JAK2: variants seen among roughly 807,000 people sequenced by gnomAD.
The protein encoded by JAK2 is Janus kinase 2.
Under a neutral mutation model 139.3 loss-of-function variants are expected in JAK2, and 86 were observed. That is an observed-to-expected ratio of 0.62 (90% CI 0.52 to 0.74). The LOEUF (loss-of-function observed/expected upper bound fraction) is 0.74, where lower values mean the gene tolerates loss of function less well. JAK2 is among the 30% of genes least tolerant of loss of function. The pLI, the probability that JAK2 is intolerant of heterozygous loss-of-function variation, is 0.00. For missense variants in JAK2, 1,421 were observed against 1,360.3 expected (o/e 1.04, Z -0.70); for synonymous variants, 490 against 437.7 (o/e 1.12, Z -1.49).
chr9:5,041,050 C>T, intron 4 of JAK2: 1 of 684,546 alleles, frequency 1.5e-6, no homozygotes. Context: ...CAGCTCAGCG[C>T]CATAGAGGGC....
At chr9:5,041,872 A>G (rs185200168) in intron 4 of JAK2, 270 of 438,728 alleles carry the variant, frequency 6.2e-4, no homozygotes, top group African/African-American at 5.3e-3. Context: ...ATGGCCGGCC[A>G]CTCCAGCGCC....
intron 4 of JAK2, chr9:5,041,427 T>G: frequency 1.6e-5 from 10 of 625,676 alleles, no homozygotes; most frequent in South Asian, 1.4e-4. Context: ...CACATGTTCA[T>G]GTACTTCCTG....
chr9:5,094,545 TG>T (rs1474669020), intron 22 of JAK2: 2 of 152,196 alleles, frequency 1.3e-5, no homozygotes, highest in Non-Finnish European at 2.9e-5. Context: ...TACTGCTAAG[TG>T]GCTCAACTTA....
In JAK2 at chr9:5,128,601, T is replaced by C. The variant is rs1465353637; in HGVS notation, c.*1810T>C. Among the ~76,000 whole-genome samples the C allele has an allele frequency of 1.3e-5, 2 of 151,974 alleles. No individual in the cohort carries two copies. Among genetic ancestry groups the C allele is most frequent in the Non-Finnish European group, 2.9e-5 (2 of 67,814 alleles). Reference sequence around the variant, plus strand: ...AAAACAAGATGTGAACTAACTTTTCTTAAACATTTTTTTAAATGCTTCATC... The same window carrying C: ...AAAACAAGATGTGAACTAACTTTTCCTAAACATTTTTTTAAATGCTTCATC... On this transcript the variant is annotated 3_prime_UTR_variant, in exon 25 of 25. Transcript: ENST00000381652.
intron 8 of JAK2, among the ~76,000 whole-genome samples, chr9:5,059,809 A>T (rs1818028988): frequency 6.6e-6 from 1 of 152,162 alleles, no homozygotes; most frequent in African/African-American, 2.4e-5. Context: ...ATGATGTTCA[A>T]TACTTTTTCA....
At chr9:5,024,521 T>G (rs1822650184) in intron 3 of JAK2, among the ~76,000 whole-genome samples, 1 of 152,042 alleles carries the variant, frequency 6.6e-6, no homozygotes, top group East Asian at 1.9e-4. Flanking sequence ...GGTGAAAGCT[T>G]AGGGTCTTTT....
At chr9:5,091,008 A>G (rs1314516508) in intron 22 of JAK2, 97 bp downstream of exon 22, 2 of 920,894 alleles carry the variant, frequency 2.2e-6, no homozygotes, top group Non-Finnish European at 3.2e-6. Context: ...ATTTACAGTA[A>G]CAGTGAACAT....
intron 2 of JAK2, among the ~76,000 whole-genome samples, chr9:5,012,416 G>GT (rs147543504): frequency 0.015 from 2,226 of 152,074 alleles, 32 homozygotes; most frequent in South Asian, 0.028. Flanking sequence ...AGGAACATTA[G>GT]TGTAGTATAA....
At chr9:5,074,538 A>T (rs1490872292) in intron 14 of JAK2, among the ~76,000 whole-genome samples, 1 of 152,154 alleles carries the variant, frequency 6.6e-6, no homozygotes, top group Non-Finnish European at 1.5e-5. Context: ...GGGTGTCCCA[A>T]ACAGAGAGAA....
intron 5 of JAK2, among the ~76,000 whole-genome samples, chr9:5,048,593 C>A (rs1817196318): frequency 6.6e-6 from 1 of 152,034 alleles, no homozygotes; most frequent in African/African-American, 2.4e-5. Context: ...CTGTCTCCTA[C>A]CCTGAATTAA....
At chr9:5,117,037 T>C (rs1413990911) in intron 22 of JAK2, among the ~76,000 whole-genome samples, 4 of 152,210 alleles carry the variant, frequency 2.6e-5, no homozygotes, top group Non-Finnish European at 2.9e-5. Flanking sequence ...CATGCAGCAT[T>C]TGGCTCCTCT....
chr9:5,037,995 C>G (rs1816191931), intron 4 of JAK2, among the ~76,000 whole-genome samples: 1 of 152,166 alleles, frequency 6.6e-6, no homozygotes. Flanking sequence ...TATAGCGTCA[C>G]TAGTTATGAG....
At chr9:5,033,145 A>G (rs568725015) in intron 4 of JAK2, among the ~76,000 whole-genome samples, 1 of 152,358 alleles carries the variant, frequency 6.6e-6, no homozygotes, top group African/African-American at 2.4e-5. Context: ...AAAGGGTATC[A>G]GAGATGGAAG....
Position 5,063,893 on chromosome 9 carries a change from C to G in JAK2, c.1057-990C>G, listed in dbSNP as rs147711979. ...TACAATCAGGCCGGGCATGGTGACT[C>G]ACGCGTGTAATCCCAGCACTTTGGG... is the stretch of plus-strand genomic sequence containing the variant. On this transcript the variant is annotated intron_variant, in intron 8 of 24. Coordinates refer to ENST00000381652, the MANE Select transcript of JAK2 (RefSeq NM_004972.4). 7.3e-3 allele frequency among the ~76,000 whole-genome samples: 1,119 copies of G among 152,346 alleles called. 6 individuals are homozygous for G. The highest frequency in any genetic ancestry group is 0.011 in the Non-Finnish European group (781 of 68,036).
At position 5,126,385 on chromosome 9, in the gene JAK2, A is replaced by G. The variant is rs112745035; in HGVS notation, c.3230A>G (p.His1077Arg). The G allele has an allele frequency of 1.9e-6, 3 of 1,611,104 alleles. No individual in the cohort carries two copies. The highest frequency in any genetic ancestry group is 4.5e-5 in the East Asian group (2 of 44,746). The change falls in exon 24 of 25, where the codon CAT becomes CGT. Residue 1077 changes from histidine (H) to arginine (R), a missense_variant. Transcript: ENST00000381652. ...AAACAAGGACAGATGATCGTGTTCC[A>G]TTTGATAGAACTTTTGAAGAATAAT... ...NDKQGQMIVF[H>R]LIELLKNNGR...
At chr9:5,094,337 C>G (rs1820813519) in intron 22 of JAK2, 1 of 152,210 alleles carries the variant, frequency 6.6e-6, no homozygotes, top group African/African-American at 2.4e-5. Flanking sequence ...TTCTGGACTC[C>G]CCTTCCTATA....
intron 2 of JAK2, among the ~76,000 whole-genome samples, chr9:5,005,615 G>T (rs182069367): frequency 2.0e-4 from 31 of 152,250 alleles, no homozygotes; most frequent in Non-Finnish European, 3.1e-4. Context: ...AGATTCCAGT[G>T]TAATTTTTTT....
rs1820395695 is a variant in JAK2 at position 4,993,713 on chromosome 9, T to A, written c.-26+7691T>A. On this transcript the variant is annotated intron_variant, in intron 2 of 24. Coordinates refer to ENST00000381652, the MANE Select transcript of JAK2 (RefSeq NM_004972.4). ...GTTTCCTCAAGACCCTTTACATGTG[T>A]GAACACAAAGGGTCCTTATCTGTTC... 3.9e-5 allele frequency among the ~76,000 whole-genome samples: 6 copies of A among 152,336 alleles called. No homozygotes were observed. The South Asian group carries it at 1.0e-3, about 26-fold the overall frequency.
intron 2 of JAK2, among the ~76,000 whole-genome samples, chr9:5,000,264 A>C (rs1472902469): frequency 1.3e-5 from 2 of 152,154 alleles, no homozygotes; most frequent in Non-Finnish European, 2.9e-5. Context: ...AAGGAGGTAC[A>C]TAATGTGACA....
Sources: gnomAD v4.1 joint callset for allele counts (sites outside exome capture counted in the v4.1 genomes callset) on GRCh38, gnomAD v4.1.1 for gene constraint, MANE v1.5 for transcripts, NCBI Gene and HGNC (gene_info 2026-07-23, HGNC 2026-07-21) for gene names.